The following PLCL2 variants were observed in gnomAD, a reference collection of about 807,000 sequenced individuals.
PLCL2 encodes inactive phospholipase C-like protein 2.
Under a neutral mutation model 79.6 loss-of-function variants are expected in PLCL2, and 4 were observed. The observed-to-expected ratio is 0.05, with a 90% CI of 0.02 to 0.11. The LOEUF (loss-of-function observed/expected upper bound fraction) is 0.11. Among genes scored for constraint, PLCL2 ranks in the 10% least tolerant of loss-of-function variants. The pLI is 1.00. For synonymous variants in PLCL2, 484 were observed against 457.7 expected, an observed-to-expected ratio of 1.06 and a Z score of -0.73; for missense variants, 895 against 1,291.0, an observed-to-expected ratio of 0.69 and a Z score of 4.70.
Position 17,010,210 on chromosome 3 carries a change from T to C in PLCL2, c.864T>C (p.Thr288=). Residue 288 remains threonine, a synonymous_variant, in exon 2 of 6, where the codon ACT becomes ACC. Coordinates refer to ENST00000615277, the MANE Select transcript of PLCL2 (RefSeq NM_001144382.2). This position sits in a 1 kb window ranked among gnomAD's most constrained non-coding sequence, Gnocchi z 5.8. ...EIDVDNLGHI[T]LCNAVQCIRN... ...ATGTAGATAACCTTGGACATATAACTCTGTGTAATGCTGTGCAATGTATCA... is the reference window on the plus strand; with the variant it reads ...ATGTAGATAACCTTGGACATATAACCCTGTGTAATGCTGTGCAATGTATCA... 1 of 1,614,108 alleles carries C rather than the reference T, an allele frequency of 6.2e-7. No homozygotes were observed. The highest frequency in any genetic ancestry group is 8.5e-7 in the Non-Finnish European group (1 of 1,179,964).
chr3:16,939,541 AG>A (rs1697625911), intron 1 of PLCL2, among the ~76,000 whole-genome samples: 1 of 152,266 alleles, frequency 6.6e-6, no homozygotes, highest in Admixed American at 6.5e-5. Flanking sequence ...TAGACAAAGC[AG>A]ACCACAAACA....
At chr3:16,918,504 T>C (rs1261800205) in intron 1 of PLCL2, among the ~76,000 whole-genome samples, 1 of 152,162 alleles carries the variant, frequency 6.6e-6, no homozygotes, top group Non-Finnish European at 1.5e-5. Context: ...AATAGTCTCT[T>C]TATGCAATGT....
At position 16,887,918 on chromosome 3, in the gene PLCL2, G is replaced by A. The variant is rs1411910571; in HGVS notation, c.327+2552G>A. On this transcript the variant is annotated intron_variant, in intron 1 of 5. Coordinates refer to ENST00000615277, the MANE Select transcript of PLCL2 (RefSeq NM_001144382.2). The surrounding 1 kb of genome is among the most constrained non-coding windows in gnomAD (Gnocchi z 4.1). ...ATGAATGCAGTCAGGTGGTCTCTGA[G>A]TAGAGGCAGGAGTAGATTAGTAAGC... Among the ~76,000 whole-genome samples the A allele has an allele frequency of 6.6e-6, 1 of 152,094 alleles. No homozygotes were observed. The highest frequency in any genetic ancestry group is 1.5e-5 in the Non-Finnish European group (1 of 68,020).
chr3:16,942,278 C>A (rs1408732373), intron 1 of PLCL2, among the ~76,000 whole-genome samples: 1 of 152,188 alleles, frequency 6.6e-6, no homozygotes, highest in Admixed American at 6.5e-5. Flanking sequence ...TCTGCAATTA[C>A]ATAGGCGAAA....
intron 3 of PLCL2, among the ~76,000 whole-genome samples, chr3:17,028,396 C>G (rs1228411170): frequency 6.6e-6 from 1 of 152,134 alleles, no homozygotes; most frequent in Admixed American, 6.6e-5. Flanking sequence ...ATTCCCACAC[C>G]TTACTGTTGT....
intron 3 of PLCL2, 194 bp from the exon 4 acceptor site, chr3:17,042,680 G>A (rs2064737428): frequency 1.9e-6 from 1 of 533,062 alleles, no homozygotes; most frequent in Non-Finnish European, 3.4e-6. Flanking sequence ...TTCACATCTT[G>A]TTTTAACCAT....
At position 17,010,108 on chromosome 3, in the gene PLCL2, A is replaced by G. The variant is rs550933560; in HGVS notation, c.762A>G (p.Lys254=). Residue 254 remains lysine (K), a synonymous_variant, in exon 2 of 6, where the codon AAA becomes AAG. Transcript: ENST00000615277. This position sits in a 1 kb window ranked among gnomAD's most constrained non-coding sequence, Gnocchi z 5.8. Reference sequence around the variant, plus strand: ...TGCGGTACCTAATTTCTTATGGAAAACATACACTTGATATGTTAGAAAGTA... The same window carrying G: ...TGCGGTACCTAATTTCTTATGGAAAGCATACACTTGATATGTTAGAAAGTA... ...TGLRYLISYG[K]HTLDMLESSQ... The G allele has an allele frequency of 7.4e-6, 12 of 1,614,020 alleles. No individual in the cohort carries two copies. Among genetic ancestry groups the G allele is most frequent in the Non-Finnish European group, 1.0e-5 (12 of 1,179,998 alleles).
At chr3:16,978,793 T>C (rs903363608) in intron 1 of PLCL2, among the ~76,000 whole-genome samples, 5 of 152,238 alleles carry the variant, frequency 3.3e-5, no homozygotes, top group Non-Finnish European at 7.3e-5. Context: ...TGGAACCTTA[T>C]TGAAAATGAC....
chr3:16,954,935 C>G (rs2063689759), intron 1 of PLCL2, among the ~76,000 whole-genome samples: 1 of 152,188 alleles, frequency 6.6e-6, no homozygotes, highest in Non-Finnish European at 1.5e-5. Flanking sequence ...AGCCCTTTGT[C>G]AGATGAGTAG....
chr3:17,049,680 G>A (rs775509626), intron 4 of PLCL2, among the ~76,000 whole-genome samples: 2 of 151,822 alleles, frequency 1.3e-5, no homozygotes, highest in Non-Finnish European at 2.9e-5. Flanking sequence ...ATTAAAGAGG[G>A]CACACATAAA....
At position 17,089,835 on chromosome 3, in the gene PLCL2, G is replaced by A. The variant is rs772431081; in HGVS notation, c.3307G>A (p.Glu1103Lys). ...ATGTGGACTGAATAAACCAGGCACC[G>A]AAAATGCTGATGTCCAGAAGCCACG... ...VSCGLNKPGT[E>K]NADVQKPRRS... The change falls in exon 6 of 6, where the codon GAA (glutamate) becomes AAA (lysine). Residue 1103 changes from glutamate to lysine, a missense_variant. Physicochemically the swap from Glu to Lys is moderately conservative, Grantham distance 56. This residue lies in a region of PLCL2 where 298 missense variants were observed against 459.6 expected (regional missense o/e 0.65). Coordinates refer to ENST00000615277, the MANE Select transcript of PLCL2 (RefSeq NM_001144382.2). 1.7e-5 allele frequency: 27 copies of A among 1,613,972 alleles called. No individual in the cohort carries two copies. Among genetic ancestry groups the A allele is most frequent in the South Asian group, 1.4e-4 (13 of 91,078 alleles).
At position 16,886,554 on chromosome 3, in the gene PLCL2, G is replaced by A. The variant is rs1307115418; in HGVS notation, c.327+1188G>A. 6.6e-6 allele frequency among the ~76,000 whole-genome samples: 1 copy of A among 152,182 alleles called. No homozygotes were observed. The highest frequency in any genetic ancestry group is 2.4e-5 in the African/African-American group (1 of 41,430). ...ACCATCTTGCTACTCTATGTAAGAG[G>A]CAATTGTGAAACTGCATTTCCCTTT... On this transcript the variant is annotated intron_variant, in intron 1 of 5. Coordinates refer to ENST00000615277, the MANE Select transcript of PLCL2 (RefSeq NM_001144382.2). The surrounding 1 kb of genome is among the most constrained non-coding windows in gnomAD (Gnocchi z 4.2).
intron 1 of PLCL2, among the ~76,000 whole-genome samples, chr3:16,966,666 A>T (rs142074454): frequency 0.011 from 1,636 of 151,858 alleles, 30 homozygotes; most frequent in Admixed American, 0.046. Context: ...TTTGGTTAGT[A>T]TGCTATTAAT....
intron 1 of PLCL2, among the ~76,000 whole-genome samples, chr3:16,902,881 T>TGTGTGTGTGTGTGTGTGTGC (rs1272936432): frequency 5.2e-5 from 7 of 133,900 alleles, no homozygotes; most frequent in African/African-American, 1.4e-4. Flanking sequence ...TGTGTGTGTG[T>TGTGTGTGTGTGTGTGTGTGC]GNGCGCATGT....
At chr3:16,921,992 A>G (rs1697134565) in intron 1 of PLCL2, among the ~76,000 whole-genome samples, 1 of 152,178 alleles carries the variant, frequency 6.6e-6, no homozygotes, top group Non-Finnish European at 1.5e-5. Flanking sequence ...AAAAAGAGAG[A>G]AAAAAGTTGC....
chr3:17,001,278 T>C (rs2064208432), intron 1 of PLCL2, among the ~76,000 whole-genome samples: 1 of 152,042 alleles, frequency 6.6e-6, no homozygotes, highest in Non-Finnish European at 1.5e-5. Context: ...TATTAATGCC[T>C]CATTGGACAG....
intron 1 of PLCL2, among the ~76,000 whole-genome samples, chr3:16,972,360 G>T (rs1458890068): frequency 6.6e-6 from 1 of 152,170 alleles, no homozygotes; most frequent in African/African-American, 2.4e-5. Flanking sequence ...TTTGAGTGTG[G>T]TTGGTATGAT....
intron 4 of PLCL2, among the ~76,000 whole-genome samples, chr3:17,059,243 A>C (rs2064920757): frequency 6.6e-6 from 1 of 151,924 alleles, no homozygotes. Context: ...ATCAACTGTG[A>C]CAGCACGTGC....
At chr3:17,031,582 G>A (rs534822958) in intron 3 of PLCL2, among the ~76,000 whole-genome samples, 1 of 152,106 alleles carries the variant, frequency 6.6e-6, no homozygotes. Context: ...ACATCCTTGA[G>A]GTGACCATGG....
Sources: allele counts gnomAD v4.1 joint callset (sites outside exome capture counted in the v4.1 genomes callset), GRCh38; gene constraint gnomAD v4.1.1; regional missense constraint gnomAD v4.1.1; non-coding constraint Gnocchi (gnomAD v3.1); transcripts MANE v1.5; gene names NCBI Gene and HGNC (gene_info 2026-07-23, HGNC 2026-07-21).